Variants in DNHD1 observed in about 807,000 individuals in gnomAD.
DNHD1 encodes the protein dynein heavy chain domain 1.
DNHD1 carries 383 observed loss-of-function variants against 458.1 expected under a neutral mutation model. The ratio of observed to expected loss-of-function variants is 0.84; its 90% CI spans 0.77 to 0.91. The LOEUF is 0.91. DNHD1 is among the 40% of genes least tolerant of loss of function. DNHD1 has a pLI of 0.00. For missense variants in DNHD1, 5,336 were observed against 5,866.1 expected, an observed-to-expected ratio of 0.91 and a Z score of 2.95; for synonymous variants, 2,203 against 2,376.9, an observed-to-expected ratio of 0.93 and a Z score of 2.13.
Position 6,502,562 on chromosome 11 carries a change from A to G in DNHD1, c.747-191A>G, listed in dbSNP as rs553496329. On this transcript the variant is annotated intron_variant, in intron 3 of 42. Coordinates refer to ENST00000254579, the MANE Select transcript of DNHD1 (RefSeq NM_144666.3). ...CAATATTGTTGCCTAACTGTGTTCTATGATACGCTATATTTGCCCAGTATG... is the reference window on the plus strand; with the variant it reads ...CAATATTGTTGCCTAACTGTGTTCTGTGATACGCTATATTTGCCCAGTATG... Among the ~76,000 whole-genome samples the G allele has an allele frequency of 2.0e-3, 312 of 152,298 alleles. 1 individual carries two copies. Among genetic ancestry groups the G allele is most frequent in the African/African-American group, 7.3e-3 (303 of 41,552 alleles).
Position 6,558,111 on chromosome 11 carries a change from A to G in DNHD1, c.8816A>G (p.Gln2939Arg). 6.4e-6 allele frequency: 10 copies of G among 1,551,740 alleles called. No homozygotes were observed. The highest frequency in any genetic ancestry group is 8.7e-6 in the Non-Finnish European group (10 of 1,147,000). Residue 2939 changes from glutamine to arginine, a missense_variant, in exon 25 of 43, where the codon CAG becomes CGG. Gln to Arg is a conservative substitution (Grantham distance 43). Around this residue, in one of 4 missense-constraint regions of DNHD1, gnomAD observed 3,932 missense variants for 4,365.6 expected, o/e 0.90. Coordinates refer to ENST00000254579, the MANE Select transcript of DNHD1 (RefSeq NM_144666.3). ...AGCTGGCATGCTGGCATGTTAAGCC[A>G]GCCAGTGGCTCTGTTGGTACCCAGT... ...DASWHAGMLSQPVALLVPSGV... is the reference protein window; with the variant it reads ...DASWHAGMLSRPVALLVPSGV...
chr11:6,529,330 G>A (rs1361440190), intron 12 of DNHD1, among the ~76,000 whole-genome samples: 1 of 152,144 alleles, frequency 6.6e-6, no homozygotes, highest in African/African-American at 2.4e-5. Flanking sequence ...TTTTGGCTCT[G>A]CTCATACCCT....
In DNHD1 at chr11:6,547,866, A is replaced by G. The variant is rs532170381; in HGVS notation, c.6731A>G (p.Asp2244Gly). The G allele has an allele frequency of 6.4e-7, 1 of 1,551,528 alleles. No individual in the cohort carries two copies. Among genetic ancestry groups the G allele is most frequent in the East Asian group, 2.4e-5 (1 of 40,912 alleles). ...LKEEKAPGPE[D>G]LSYSDPVAQS... ...GTGGCCATGGCAACTTTCACAGAGG[A>G]CCTCAGCTATAGTGATCCTGTGGCC... The change falls in exon 22 of 43, where the codon GAC becomes GGC. Residue 2244 changes from aspartate to glycine, a missense_variant. Physicochemically the swap from Asp to Gly is moderately conservative, Grantham distance 94. Transcript: ENST00000254579.
chr11:6,568,850 G>A lies in DNHD1; in HGVS notation c.12847G>A (p.Ala4283Thr), dbSNP rs1367540487. 2 of 1,610,780 alleles carry A rather than the reference G, an allele frequency of 1.2e-6. No homozygotes were observed. The highest frequency in any genetic ancestry group is 1.7e-6 in the Non-Finnish European group (2 of 1,178,734). Residue 4283 changes from alanine to threonine, a missense_variant, in exon 39 of 43, where the codon GCA becomes ACA. Around this residue, in one of 4 missense-constraint regions of DNHD1, gnomAD observed 698 missense variants for 664.9 expected, o/e 1.05. Coordinates refer to ENST00000254579, the MANE Select transcript of DNHD1 (RefSeq NM_144666.3). ...GCAGCTCTATGGAACAAGGCTGCAGGCACACAGGGGGCGCTGGTGAGGGAC... is the reference window on the plus strand; with the variant it reads ...GCAGCTCTATGGAACAAGGCTGCAGACACACAGGGGGCGCTGGTGAGGGAC... ...HRQLYGTRLQ[A>T]HRGRWSQVTL...
rs1853173665 is a variant in DNHD1 at position 6,544,895 on chromosome 11, G to A, written c.3956G>A (p.Ser1319Asn). Residue 1319 changes from serine to asparagine, a missense_variant, in exon 21 of 43, where the codon AGC becomes AAC. Physicochemically the swap from Ser to Asn is conservative, Grantham distance 46. This residue lies in a region of DNHD1 where 3,932 missense variants were observed against 4,365.6 expected (regional missense o/e 0.90). Coordinates refer to ENST00000254579, the MANE Select transcript of DNHD1 (RefSeq NM_144666.3). The stretch of plus-strand genomic sequence containing the variant: ...CTTGTAGTGCCCAGTGCCGAGAGGA[G>A]CCCTTACTTCCAAGGCCAGCAGCTG... ...LSLVVPSAERSPYFQGQQLQQ... is the reference protein window; with the variant it reads ...LSLVVPSAERNPYFQGQQLQQ... The A allele has an allele frequency of 1.3e-6, 2 of 1,551,562 alleles. No individual in the cohort carries two copies. The highest frequency in any genetic ancestry group is 2.0e-5 in the Admixed American group (1 of 50,986).
At position 6,498,012 on chromosome 11, in the gene DNHD1, C is replaced by A; in HGVS notation, c.-204C>A. The A allele has an allele frequency of 1.5e-6, 1 of 678,258 alleles. No individual in the cohort carries two copies. 42.0% of individuals were successfully genotyped at this position (678,258 alleles called of 1,614,324 possible). A position where few individuals can be genotyped will look rare whatever the true frequency, so the allele number is the denominator to read the frequency against. ...GTCTGGCTCTGCTCTGTAGCTCCAT[C>A]TATTTCCCTGTCCCAGGTCCTTTCT... On this transcript the variant is annotated 5_prime_UTR_variant, in exon 3 of 43. Coordinates refer to ENST00000254579, the MANE Select transcript of DNHD1 (RefSeq NM_144666.3).
rs1211460804 is a variant in DNHD1, at chr11:6,558,944, T to C, written c.9254T>C (p.Val3085Ala). 6.4e-7 allele frequency: 1 copy of C among 1,551,714 alleles called. No homozygotes were observed. ...GACCTCCAGGCCTCAATTCCCAGTG[T>C]GGCCAAAGCCATGGCTCTTATCCAC... ...YPDLQASIPS[V>A]AKAMALIHLS... The change falls in exon 27 of 43, where the codon GTG becomes GCG. Residue 3085 changes from valine (V) to alanine (A), a missense_variant. Transcript: ENST00000254579.
intron 3 of DNHD1, among the ~76,000 whole-genome samples, chr11:6,500,379 C>T (rs1246452402): frequency 6.6e-6 from 1 of 152,192 alleles, no homozygotes; most frequent in African/African-American, 2.4e-5. Context: ...CTAGTTTTAC[C>T]TTTAATTAAG....
intron 28 of DNHD1, among the ~76,000 whole-genome samples, chr11:6,560,698 T>C (rs1853569284): frequency 6.6e-6 from 1 of 152,286 alleles, no homozygotes; most frequent in Middle Eastern, 3.4e-3. Flanking sequence ...TGGTCGTTCA[T>C]TCAATAGCCA....
chr11:6,549,348 A>C (rs1277494318), intron 24 of DNHD1, among the ~76,000 whole-genome samples: 1 of 152,134 alleles, frequency 6.6e-6, no homozygotes, highest in Non-Finnish European at 1.5e-5. Flanking sequence ...TCCTTCACCA[A>C]TATCCAGTCA....
At chr11:6,551,587 A>G (rs1291167218) in intron 24 of DNHD1, among the ~76,000 whole-genome samples, 1 of 152,252 alleles carries the variant, frequency 6.6e-6, no homozygotes, top group Non-Finnish European at 1.5e-5. Context: ...AATGAAAAGG[A>G]AAACATAAAT....
chr11:6,512,823 G>A (rs1852373408), intron 7 of DNHD1, among the ~76,000 whole-genome samples: 1 of 152,034 alleles, frequency 6.6e-6, no homozygotes, highest in South Asian at 2.1e-4. Flanking sequence ...TGTATCCCAG[G>A]AACCTAGGGA....
Position 6,520,008 on chromosome 11 carries a change from A to T in DNHD1, c.1691A>T (p.Asp564Val), listed in dbSNP as rs868669609. 6.2e-7 allele frequency: 1 copy of T among 1,614,100 alleles called. No individual in the cohort carries two copies. The highest frequency in any genetic ancestry group is 1.6e-4 in the Middle Eastern group (1 of 6,062). ...KPFLSSQLVF[D>V]DHGQLSHVPC... ...TTTCTCTCATCACAGCTGGTCTTTGATGATCATGGTCAACTGTCTCATGTG... is the reference window on the plus strand; with the variant it reads ...TTTCTCTCATCACAGCTGGTCTTTGTTGATCATGGTCAACTGTCTCATGTG... Residue 564 changes from aspartate (D) to valine (V), a missense_variant, in exon 9 of 43, where the codon GAT becomes GTT. Coordinates refer to ENST00000254579, the MANE Select transcript of DNHD1 (RefSeq NM_144666.3).
intron 4 of DNHD1, 144 bp downstream of exon 4, chr11:6,503,070 C>T (rs1451781683): frequency 3.5e-6 from 3 of 863,762 alleles, no homozygotes; most frequent in Non-Finnish European, 5.1e-6. Flanking sequence ...GTCCCTCTCT[C>T]TTCCCTTCTC....
At chr11:6,540,231 G>A in intron 18 of DNHD1, 148 bp downstream of exon 18, 1 of 689,394 alleles carries the variant, frequency 1.5e-6, no homozygotes, top group Non-Finnish European at 2.4e-6. Context: ...TTCTGAGACA[G>A]TGTCTTCCAT....
At chr11:6,554,565 C>T (rs1853422864) in intron 24 of DNHD1, among the ~76,000 whole-genome samples, 1 of 152,106 alleles carries the variant, frequency 6.6e-6, no homozygotes, top group African/African-American at 2.4e-5. Context: ...ACCTAGAATA[C>T]ATAAAAAACT....
intron 12 of DNHD1, among the ~76,000 whole-genome samples, chr11:6,531,810 G>C (rs1413013528): frequency 6.6e-6 from 1 of 152,140 alleles, no homozygotes; most frequent in Non-Finnish European, 1.5e-5. Context: ...TTGCAGAGAT[G>C]CTAATAGAGG....
chr11:6,505,533 G>A lies in DNHD1; in HGVS notation c.920+2607G>A, dbSNP rs1852214091. 6.6e-6 allele frequency among the ~76,000 whole-genome samples: 1 copy of A among 152,162 alleles called. No homozygotes were observed. The highest frequency in any genetic ancestry group is 2.4e-5 in the African/African-American group (1 of 41,432). ...CTCCCAAAGTGCTGGGATTACAGGCGTGAGTCACCGCGCCTGGCCTCGACA... is the reference window on the plus strand; with the variant it reads ...CTCCCAAAGTGCTGGGATTACAGGCATGAGTCACCGCGCCTGGCCTCGACA... On this transcript the variant is annotated intron_variant, in intron 4 of 42. Coordinates refer to ENST00000254579, the MANE Select transcript of DNHD1 (RefSeq NM_144666.3). This position sits in a 1 kb window ranked among gnomAD's most constrained non-coding sequence, Gnocchi z 4.4.
At position 6,498,420 on chromosome 11, in the gene DNHD1, T is replaced by C. The variant is rs1468162900; in HGVS notation, c.205T>C (p.Phe69Leu). 6.2e-7 allele frequency: 1 copy of C among 1,614,216 alleles called. No individual in the cohort carries two copies. The highest frequency in any genetic ancestry group is 2.2e-5 in the East Asian group (1 of 44,884). ...ELLLAELRTL[F>L]SAVLQDSSPA... Reference sequence around the variant, plus strand: ...CCTGCTAGCTGAGCTCCGAACTCTGTTCTCAGCTGTGTTGCAGGACAGTAG... The same window carrying C: ...CCTGCTAGCTGAGCTCCGAACTCTGCTCTCAGCTGTGTTGCAGGACAGTAG... Residue 69 changes from phenylalanine to leucine, a missense_variant, in exon 3 of 43, where the codon TTC becomes CTC. Physicochemically the swap from Phe to Leu is conservative, Grantham distance 22. Coordinates refer to ENST00000254579, the MANE Select transcript of DNHD1 (RefSeq NM_144666.3).
Sources: gnomAD v4.1 joint callset for allele counts (sites outside exome capture counted in the v4.1 genomes callset) on GRCh38, gnomAD v4.1.1 for gene constraint, gnomAD v4.1.1 regional missense constraint, Gnocchi (gnomAD v3.1) non-coding constraint, MANE v1.5 for transcripts, NCBI Gene and HGNC (gene_info 2026-07-23, HGNC 2026-07-21) for gene names.